Variants in VAV3 observed in about 807,000 individuals in gnomAD.
VAV3 encodes the protein vav guanine nucleotide exchange factor 3.
VAV3 carries 94 observed loss-of-function variants against 131.2 expected under a neutral mutation model. That is an observed-to-expected ratio of 0.72 (90% confidence interval 0.61 to 0.85). The LOEUF is 0.85. Among genes scored for constraint, VAV3 ranks in the 40% least tolerant of loss-of-function variants. The pLI is 0.00. For missense variants in VAV3, 939 were observed against 1,002.7 expected (o/e 0.94, Z 0.86); for synonymous variants, 349 against 342.0 (o/e 1.02, Z -0.22).
intron 2 of VAV3, among the ~76,000 whole-genome samples, chr1:107,787,655 A>T (rs1666080551): frequency 6.6e-6 from 1 of 152,200 alleles, no homozygotes; most frequent in South Asian, 2.1e-4. Flanking sequence ...ATACTTGTGT[A>T]TTCTAAGTAG....
At chr1:107,880,569 G>C (rs1670716229) in intron 1 of VAV3, among the ~76,000 whole-genome samples, 1 of 152,138 alleles carries the variant, frequency 6.6e-6, no homozygotes, top group Non-Finnish European at 1.5e-5. Flanking sequence ...GCCGAGGTGG[G>C]CAGATCACCT....
At chr1:107,660,479 G>C (rs183047768) in intron 19 of VAV3, among the ~76,000 whole-genome samples, 19 of 152,254 alleles carry the variant, frequency 1.2e-4, no homozygotes, top group African/African-American at 4.3e-4. Context: ...AAGAAAGACG[G>C]AAATACGCAC....
At chr1:107,742,625 A>AAT (rs932712716) in intron 15 of VAV3, among the ~76,000 whole-genome samples, 8 of 152,204 alleles carry the variant, frequency 5.3e-5, no homozygotes, top group Middle Eastern at 3.4e-3. Flanking sequence ...AAACAAACCC[A>AAT]ATACTTTCTT....
chr1:107,582,632 G>A (rs901059953), intron 25 of VAV3, among the ~76,000 whole-genome samples: 3 of 141,452 alleles, frequency 2.1e-5, no homozygotes, highest in South Asian at 2.2e-4. Context: ...CTCATTGTTC[G>A]ATTCCCACCT....
intron 2 of VAV3, among the ~76,000 whole-genome samples, chr1:107,789,467 TC>T (rs760852263): frequency 2.2e-4 from 33 of 152,294 alleles, no homozygotes; most frequent in Admixed American, 1.2e-3. Context: ...TGTAAACGTT[TC>T]AAACCATCTA....
chr1:107,846,238 A>C (rs1184536546), intron 2 of VAV3, among the ~76,000 whole-genome samples: 1 of 152,158 alleles, frequency 6.6e-6, no homozygotes, highest in African/African-American at 2.4e-5. Context: ...CTTTACAAAC[A>C]AGCAAATGCT....
At chr1:107,890,353 A>C (rs765938663) in intron 1 of VAV3, among the ~76,000 whole-genome samples, 1 of 152,202 alleles carries the variant, frequency 6.6e-6, no homozygotes, top group Non-Finnish European at 1.5e-5. Context: ...AATACTAACC[A>C]GGTTGAAGTA....
chr1:107,916,798 G>A (rs1397075587), intron 1 of VAV3, among the ~76,000 whole-genome samples: 2 of 152,048 alleles, frequency 1.3e-5, no homozygotes, highest in African/African-American at 4.8e-5. Context: ...GAATTAATAC[G>A]ATTCATGGAT....
At chr1:107,797,651 A>C (rs1281472053) in intron 2 of VAV3, among the ~76,000 whole-genome samples, 1 of 152,240 alleles carries the variant, frequency 6.6e-6, no homozygotes, top group Non-Finnish European at 1.5e-5. Context: ...GCATTCTAAC[A>C]GCAGAGATGT....
rs569108904 is a variant in VAV3 at position 107,750,431 on chromosome 1, A to AT, written c.1259+685dup. Among the ~76,000 whole-genome samples, 474 of 152,140 alleles carry AT rather than the reference A, an allele frequency of 3.1e-3. 3 individuals are homozygous for AT. Among genetic ancestry groups the AT allele is most frequent in the African/African-American group, 0.011 (436 of 41,518 alleles). ...TATAAACTCTCAGTGATTAACACACATTTTTTTTATACACAATGATAATGA... is the reference window on the plus strand; with the variant it reads ...TATAAACTCTCAGTGATTAACACACATTTTTTTTTATACACAATGATAATGA... On this transcript the variant is annotated intron_variant, in intron 13 of 26. Coordinates refer to ENST00000370056, the MANE Select transcript of VAV3 (RefSeq NM_006113.5).
At chr1:107,942,882 C>T (rs1261126405) in intron 1 of VAV3, among the ~76,000 whole-genome samples, 1 of 152,208 alleles carries the variant, frequency 6.6e-6, no homozygotes, top group African/African-American at 2.4e-5. Context: ...CAAAATCCAA[C>T]ATCTTTTACA....
At chr1:107,949,802 A>G (rs1028953101) in intron 1 of VAV3, among the ~76,000 whole-genome samples, 121 of 152,210 alleles carry the variant, frequency 7.9e-4, no homozygotes, top group Non-Finnish European at 1.9e-4. Context: ...GACTGAACTA[A>G]GTTTACTAAC....
chr1:107,948,787 G>A (rs1261399992), intron 1 of VAV3, among the ~76,000 whole-genome samples: 7 of 151,864 alleles, frequency 4.6e-5, no homozygotes, highest in Admixed American at 6.6e-5. Context: ...TGGAGGTTGC[G>A]GTGAGCTGAG....
intron 17 of VAV3, among the ~76,000 whole-genome samples, chr1:107,694,625 G>A (rs1242248076): frequency 6.6e-6 from 1 of 152,136 alleles, no homozygotes; most frequent in Non-Finnish European, 1.5e-5. Flanking sequence ...CCACAATCTA[G>A]TCAAGCTCTA....
chr1:107,808,504 T>C (rs1030476989), intron 2 of VAV3, among the ~76,000 whole-genome samples: 2 of 152,180 alleles, frequency 1.3e-5, no homozygotes, highest in African/African-American at 4.8e-5. Context: ...TTTTATAGTA[T>C]AAAAACTAAC....
intron 1 of VAV3, among the ~76,000 whole-genome samples, chr1:107,923,418 G>A (rs1045226179): frequency 2.6e-5 from 4 of 152,096 alleles, no homozygotes; most frequent in Non-Finnish European, 4.4e-5. Context: ...TAGGTCATAC[G>A]AACAGAGCCT....
At chr1:107,798,019 T>C (rs1025473937) in intron 2 of VAV3, among the ~76,000 whole-genome samples, 1 of 152,174 alleles carries the variant, frequency 6.6e-6, no homozygotes, top group African/African-American at 2.4e-5. Context: ...CACAAGACCA[T>C]AGTTTCAAAG....
intron 19 of VAV3, among the ~76,000 whole-genome samples, chr1:107,677,565 G>A (rs1228192384): frequency 6.6e-6 from 1 of 152,114 alleles, no homozygotes; most frequent in Non-Finnish European, 1.5e-5. Flanking sequence ...ACAGTTTATT[G>A]ATGATAAATG....
intron 19 of VAV3, among the ~76,000 whole-genome samples, chr1:107,664,946 G>A (rs1438017741): frequency 6.6e-6 from 1 of 152,222 alleles, no homozygotes; most frequent in African/African-American, 2.4e-5. Flanking sequence ...TTCAGTACAT[G>A]TGGAAAATTA....
Sources: allele counts gnomAD v4.1 joint callset (sites outside exome capture counted in the v4.1 genomes callset), GRCh38; gene constraint gnomAD v4.1.1; transcripts MANE v1.5; gene names NCBI Gene and HGNC (gene_info 2026-07-23, HGNC 2026-07-21).